The following WDR35 variants were observed in gnomAD, a reference collection of about 807,000 sequenced individuals.
WDR35 encodes WD repeat domain 35.
Under a neutral mutation model 158.3 loss-of-function variants are expected in WDR35, and 118 were observed. The ratio of observed to expected loss-of-function variants is 0.75; its 90% CI spans 0.64 to 0.87. The LOEUF is 0.87. Among genes scored for constraint, WDR35 ranks in the 40% least tolerant of loss-of-function variants. The pLI, the probability that WDR35 is intolerant of heterozygous loss-of-function variation, is 0.00. For missense variants in WDR35, 1,263 were observed against 1,405.8 expected (o/e 0.90, Z 1.62); for synonymous variants, 448 against 476.1 (o/e 0.94, Z 0.77).
chr2:19,989,301 C>A lies in WDR35; in HGVS notation c.25-19G>T, dbSNP rs768609628. On this transcript the variant is annotated intron_variant, in intron 1 of 26. Coordinates refer to ENST00000281405, the MANE Select transcript of WDR35 (RefSeq NM_020779.4). Reference sequence around the variant, plus strand: ...TGGAAATCTGAAAAAGCAACCACAGCCGCACTAGCAACTTTTCACGAAGGA... The same window carrying A: ...TGGAAATCTGAAAAAGCAACCACAGACGCACTAGCAACTTTTCACGAAGGA... 2 of 1,603,708 alleles carry A rather than the reference C, an allele frequency of 1.2e-6. No individual in the cohort carries two copies. Among genetic ancestry groups the A allele is most frequent in the South Asian group, 1.1e-5 (1 of 90,870 alleles).
intron 21 of WDR35, among the ~76,000 whole-genome samples, chr2:19,933,956 G>A (rs1355181277): frequency 6.6e-6 from 1 of 151,878 alleles, no homozygotes; most frequent in African/African-American, 2.4e-5. Context: ...AGAGAAGTCT[G>A]CCATTAATCA....
chr2:19,919,221 A>T (rs1670083632), intron 25 of WDR35, among the ~76,000 whole-genome samples: 1 of 151,928 alleles, frequency 6.6e-6, no homozygotes, highest in Non-Finnish European at 1.5e-5. Context: ...TCTACTAAAA[A>T]TACAAAAAAT....
At chr2:19,959,446 T>G (rs901819580) in intron 11 of WDR35, among the ~76,000 whole-genome samples, 2 of 151,996 alleles carry the variant, frequency 1.3e-5, no homozygotes, top group Non-Finnish European at 2.9e-5. Flanking sequence ...AAGCTAAGCT[T>G]TTTAACAAGG....
At chr2:19,937,351 C>G (rs1176154597) in intron 19 of WDR35, among the ~76,000 whole-genome samples, 1 of 152,166 alleles carries the variant, frequency 6.6e-6, no homozygotes, top group African/African-American at 2.4e-5. Flanking sequence ...CGATCCCTAA[C>G]GACTTCTGAT....
chr2:19,973,439 G>T, intron 8 of WDR35, 124 bp downstream of exon 8: 1 of 1,069,540 alleles, frequency 9.3e-7, no homozygotes. Flanking sequence ...TTTATACTAT[G>T]AAGATGAAAT....
chr2:19,915,521 C>G (rs1031197314), intron 25 of WDR35, among the ~76,000 whole-genome samples: 1 of 151,014 alleles, frequency 6.6e-6, no homozygotes, highest in African/African-American at 2.4e-5. Context: ...TCTTTTAAGT[C>G]TAGAAATGGT....
intron 21 of WDR35, 71 bp downstream of exon 21, chr2:19,935,400 T>C (rs1425186662): frequency 6.5e-6 from 10 of 1,537,232 alleles, no homozygotes; most frequent in South Asian, 1.2e-5. Context: ...GTGGGAGATA[T>C]TTCCTGACTA....
chr2:19,960,483 T>C, intron 11 of WDR35, 71 bp downstream of exon 11: 2 of 1,211,114 alleles, frequency 1.7e-6, no homozygotes, highest in Admixed American at 1.8e-5. Context: ...ATAATACCAG[T>C]GTTAGGTTTT....
intron 24 of WDR35, 145 bp from the exon 25 acceptor site, chr2:19,930,697 TGAG>T (rs1331428959): frequency 4.1e-6 from 5 of 1,232,716 alleles, no homozygotes; most frequent in Non-Finnish European, 5.7e-6. Context: ...TTTTAAGAGA[TGAG>T]GTATTACTCT....
chr2:19,939,973 A>G (rs979464649), intron 17 of WDR35, among the ~76,000 whole-genome samples: 4 of 151,400 alleles, frequency 2.6e-5, no homozygotes, highest in African/African-American at 9.7e-5. Context: ...GGGCCCTGGA[A>G]GAACCACATA....
chr2:19,924,016 G>A (rs1180072908), intron 25 of WDR35, among the ~76,000 whole-genome samples: 5 of 152,086 alleles, frequency 3.3e-5, no homozygotes, highest in Non-Finnish European at 7.4e-5. Context: ...TTCCATTCAG[G>A]CTGCTTGCAA....
At chr2:19,966,445 A>G (rs1177754858) in intron 10 of WDR35, among the ~76,000 whole-genome samples, 4 of 152,170 alleles carry the variant, frequency 2.6e-5, no homozygotes, top group Non-Finnish European at 4.4e-5. Flanking sequence ...TAATTTGAAA[A>G]GGGATTGCGG....
intron 25 of WDR35, among the ~76,000 whole-genome samples, chr2:19,917,234 G>A (rs769208222): frequency 1.3e-5 from 2 of 152,196 alleles, no homozygotes; most frequent in South Asian, 2.1e-4. Context: ...GACCCCATCC[G>A]AAGGTCACCG....
At position 19,989,776 on chromosome 2, in the gene WDR35, A is replaced by T. The variant is rs112640431; in HGVS notation, c.24+216T>A. Among the ~76,000 whole-genome samples the T allele has an allele frequency of 2.2e-3, 333 of 152,324 alleles. 7 individuals are homozygous for T. The highest frequency in any genetic ancestry group is 0.013 in the South Asian group (64 of 4,818). ...GGACCTAGCCAGGGGCAGGAATGGG[A>T]GAGTGCTGCGAGAGGGCAGCAAGCT... On this transcript the variant is annotated intron_variant, in intron 1 of 26. Transcript: ENST00000281405.
At chr2:19,963,691 T>C (rs527608188) in intron 10 of WDR35, among the ~76,000 whole-genome samples, 2 of 152,180 alleles carry the variant, frequency 1.3e-5, no homozygotes, top group South Asian at 2.1e-4. Context: ...TTTTAGTGAG[T>C]TACACATCTA....
intron 11 of WDR35, among the ~76,000 whole-genome samples, 192 bp from the exon 12 acceptor site, chr2:19,954,170 T>C (rs371353815): frequency 7.2e-5 from 11 of 152,148 alleles, no homozygotes; most frequent in Non-Finnish European, 1.6e-4. Flanking sequence ...CATACAACGA[T>C]ACTAACTCAA....
chr2:19,928,809 AT>A (rs35345285), intron 25 of WDR35, among the ~76,000 whole-genome samples: 29,098 of 144,488 alleles, frequency 0.2, 2,789 homozygotes, highest in East Asian at 0.39. Context: ...GGAAGATACT[AT>A]TTTTTTTTTT....
chr2:19,934,932 G>A lies in WDR35; in HGVS notation c.2547+539C>T, dbSNP rs957072618. ...CTCTACAAGTATTGTACGGCTCAGTGATTCACATATTAAACACATAAAATA... is the reference window on the plus strand; with the variant it reads ...CTCTACAAGTATTGTACGGCTCAGTAATTCACATATTAAACACATAAAATA... On this transcript the variant is annotated intron_variant, in intron 21 of 26. Coordinates refer to ENST00000281405, the MANE Select transcript of WDR35 (RefSeq NM_020779.4). This position sits in a 1 kb window ranked among gnomAD's most constrained non-coding sequence, Gnocchi z 4.6. The A allele has an allele frequency of 2.6e-4, 40 of 153,012 alleles. No homozygotes were observed. The highest frequency in any genetic ancestry group is 4.1e-4 in the Non-Finnish European group (28 of 68,812). 9.5% of individuals were successfully genotyped at this position (153,012 alleles called of 1,614,324 possible).
Position 19,932,345 on chromosome 2 carries a change from C to A in WDR35, c.2761G>T (p.Asp921Tyr), listed in dbSNP as rs1670551711. 6.2e-7 allele frequency: 1 copy of A among 1,613,264 alleles called. No homozygotes were observed. Among genetic ancestry groups the A allele is most frequent in the South Asian group, 1.1e-5 (1 of 91,062 alleles). ...GCTTTCCGATAGAGTTCTATGGCAT[C>A]AAGAGTTTTATTCTTTTCCAGTAAA... ...SHLLEKNKTL[D>Y]AIELYRKANY... The change falls in exon 23 of 27, where the codon GAT becomes TAT. Residue 921 changes from aspartate to tyrosine, a missense_variant. By Grantham distance (160) the Asp-to-Tyr change is radical (BLOSUM62 -3). Transcript: ENST00000281405.
Sources: gnomAD v4.1 joint callset for allele counts (sites outside exome capture counted in the v4.1 genomes callset) on GRCh38, gnomAD v4.1.1 for gene constraint, Gnocchi (gnomAD v3.1) non-coding constraint, MANE v1.5 for transcripts, NCBI Gene and HGNC (gene_info 2026-07-23, HGNC 2026-07-21) for gene names.